The following PYGO1 variants were observed in gnomAD, a reference collection of about 807,000 sequenced individuals.
PYGO1 encodes pygopus homolog 1.
A neutral mutation model predicts 29.5 loss-of-function variants in PYGO1; 6 were observed. The observed-to-expected ratio is 0.20, with a 90% CI of 0.11 to 0.40. The LOEUF (loss-of-function observed/expected upper bound fraction) is 0.40. Ranked by LOEUF, PYGO1 falls within the 10% of genes least tolerant of loss-of-function variation. The probability of loss-of-function intolerance (pLI) is 1.00; values close to 1 mark genes in which losing one functional copy is unlikely to be tolerated. For missense variants in PYGO1, 515 were observed against 514.9 expected (o/e 1.00, Z 0.00); for synonymous variants, 186 against 180.5 (o/e 1.03, Z -0.24).
rs1325986090 is a variant in PYGO1 at position 55,544,545 on chromosome 15, C to T, written c.*1478G>A. 1 of 152,134 alleles carries T rather than the reference C, an allele frequency of 6.6e-6. No homozygotes were observed. Among genetic ancestry groups the T allele is most frequent in the African/African-American group, 2.4e-5 (1 of 41,438 alleles). 9.4% of individuals were successfully genotyped at this position (152,134 alleles called of 1,614,324 possible). A position where few individuals can be genotyped will look rare whatever the true frequency, so the allele number is the denominator to read the frequency against. On this transcript the variant is annotated 3_prime_UTR_variant, in exon 3 of 3. Coordinates refer to ENST00000563719, the MANE Select transcript of PYGO1 (RefSeq NM_001367806.1). ...TGAAAGTGTAGGTTCTTGTGTGTTA[C>T]CCAAAGGACATTGTTTTTAAATCAC... is the stretch of plus-strand genomic sequence containing the variant.
At chr15:55,562,218 G>A (rs2058935824) in intron 1 of PYGO1, among the ~76,000 whole-genome samples, 2 of 152,204 alleles carry the variant, frequency 1.3e-5, no homozygotes, top group African/African-American at 4.8e-5. Context: ...GGAGAAAAAG[G>A]AACACTTTTA....
chr15:55,550,591 C>G (rs763864), intron 1 of PYGO1, among the ~76,000 whole-genome samples: 1,722 of 152,282 alleles, frequency 0.011, 12 homozygotes, highest in Non-Finnish European at 0.016. Context: ...GTTCTCATAA[C>G]CCCAACTTCT....
chr15:55,559,654 A>G (rs1263725556), intron 1 of PYGO1, among the ~76,000 whole-genome samples: 6 of 152,188 alleles, frequency 3.9e-5, no homozygotes, highest in Non-Finnish European at 5.9e-5. Context: ...GCAGCCAGAA[A>G]TGAAAAGGAG....
intron 1 of PYGO1, among the ~76,000 whole-genome samples, chr15:55,586,503 A>C (rs1184388304): frequency 6.6e-6 from 1 of 152,194 alleles, no homozygotes; most frequent in African/African-American, 2.4e-5. Flanking sequence ...ATAATTTAAA[A>C]ATGTACTCTT....
chr15:55,557,717 A>G (rs1277043134), intron 1 of PYGO1, among the ~76,000 whole-genome samples: 1 of 152,228 alleles, frequency 6.6e-6, no homozygotes, highest in Non-Finnish European at 1.5e-5. Flanking sequence ...GTAATCCAGC[A>G]TATAAACAGA....
intron 1 of PYGO1, among the ~76,000 whole-genome samples, chr15:55,575,581 G>C (rs1251477089): frequency 6.6e-6 from 1 of 152,134 alleles, no homozygotes; most frequent in Non-Finnish European, 1.5e-5. Context: ...AGGTGTGCTA[G>C]AGGGAGACTG....
rs375491465 is a variant in PYGO1, at chr15:55,551,609, AAC to A, written c.50-2616_50-2615del. 2.6e-4 allele frequency among the ~76,000 whole-genome samples: 40 copies of A among 152,212 alleles called. No individual in the cohort carries two copies. In the East Asian group the frequency reaches 5.6e-3, roughly 21 times the overall value. On this transcript the variant is annotated intron_variant, in intron 1 of 2. Transcript: ENST00000563719. ...CCAAGAGTCTGAGACCAGCCTGGAA[AAC>A]ACAGTGAGATCCCACCTCTACATTA...
intron 1 of PYGO1, among the ~76,000 whole-genome samples, chr15:55,574,077 T>C (rs1380670779): frequency 6.6e-6 from 1 of 152,204 alleles, no homozygotes; most frequent in Non-Finnish European, 1.5e-5. Context: ...GCATCACTAG[T>C]GGCACTTTAT....
intron 1 of PYGO1, among the ~76,000 whole-genome samples, chr15:55,578,684 C>T (rs1376855271): frequency 6.6e-6 from 1 of 151,908 alleles, no homozygotes; most frequent in African/African-American, 2.4e-5. Flanking sequence ...ATCCTTTGGC[C>T]ATTCATTTCT....
chr15:55,561,337 A>G (rs11635072), intron 1 of PYGO1, among the ~76,000 whole-genome samples: 8,194 of 152,246 alleles, frequency 0.054, 279 homozygotes, highest in Middle Eastern at 0.068. Flanking sequence ...TCACATTGCT[A>G]TAAAGAATTT....
intron 1 of PYGO1, among the ~76,000 whole-genome samples, chr15:55,567,780 T>G (rs2058963337): frequency 6.6e-6 from 1 of 152,198 alleles, no homozygotes; most frequent in Non-Finnish European, 1.5e-5. Flanking sequence ...TTGTACATGG[T>G]GATAGGTATG....
intron 1 of PYGO1, among the ~76,000 whole-genome samples, chr15:55,577,006 T>TA (rs5812805): frequency 0.4 from 60,069 of 148,420 alleles, 14,758 homozygotes; most frequent in Non-Finnish European, 0.57. Context: ...GCAACAAAGA[T>TA]AAAAAAAAAA....
intron 1 of PYGO1, among the ~76,000 whole-genome samples, chr15:55,583,115 A>G (rs571543272): frequency 1.3e-5 from 2 of 152,276 alleles, no homozygotes; most frequent in Non-Finnish European, 2.9e-5. Context: ...TTTCTCCAAG[A>G]CTAAACTTCC....
chr15:55,552,734 T>C (rs922998895), intron 1 of PYGO1, among the ~76,000 whole-genome samples: 1 of 151,626 alleles, frequency 6.6e-6, no homozygotes, highest in African/African-American at 2.4e-5. Context: ...GTATGCAGAG[T>C]CTCAGTAGAG....
At chr15:55,588,856 G>A (rs2059062378), upstream of PYGO1, 2 of 1,613,744 alleles carry the variant, frequency 1.2e-6, no homozygotes, top group East Asian at 2.2e-5. Flanking sequence ...CGGGCATGTG[G>A]GGATCCAGAT....
chr15:55,547,886 A>C (rs1313477496), intron 2 of PYGO1, among the ~76,000 whole-genome samples: 1 of 152,254 alleles, frequency 6.6e-6, no homozygotes, highest in Non-Finnish European at 1.5e-5. Flanking sequence ...TATGCACATA[A>C]TACTAAATCA....
chr15:55,563,787 C>T (rs1363716036), intron 1 of PYGO1, among the ~76,000 whole-genome samples: 1 of 152,148 alleles, frequency 6.6e-6, no homozygotes, highest in Non-Finnish European at 1.5e-5. Flanking sequence ...AAATAAAATA[C>T]ACAAATGGCC....
rs77747259 is a variant in PYGO1, at chr15:55,585,784, C to T, written c.49+2051G>A. ...TGATAATTCAGTTCAAAGGTATAAA[C>T]TTGATAGCTCTTTCTTTTCCTTTAA... On this transcript the variant is annotated intron_variant, in intron 1 of 2. Coordinates refer to ENST00000563719, the MANE Select transcript of PYGO1 (RefSeq NM_001367806.1). Among the ~76,000 whole-genome samples, 1,292 of 152,250 alleles carry T rather than the reference C, an allele frequency of 8.5e-3. 11 individuals are homozygous for T. The highest frequency in any genetic ancestry group is 0.011 in the Non-Finnish European group (724 of 68,024).
At chr15:55,586,429 C>T (rs1056461185) in intron 1 of PYGO1, among the ~76,000 whole-genome samples, 1 of 152,198 alleles carries the variant, frequency 6.6e-6, no homozygotes, top group Non-Finnish European at 1.5e-5. Context: ...CTCTAATACA[C>T]AATCATCCTA....
Sources: allele counts gnomAD v4.1 joint callset (sites outside exome capture counted in the v4.1 genomes callset), GRCh38; gene constraint gnomAD v4.1.1; transcripts MANE v1.5; gene names NCBI Gene and HGNC (gene_info 2026-07-23, HGNC 2026-07-21).